The following COL16A1 variants were observed in gnomAD, a reference collection of about 807,000 sequenced individuals.
COL16A1 encodes the protein collagen type XVI alpha 1 chain, also known as collagen alpha-1(XVI) chain.
A neutral mutation model predicts 266.3 loss-of-function variants in COL16A1; 189 were observed. That is an observed-to-expected ratio of 0.71 (90% CI 0.63 to 0.80). COL16A1 has a LOEUF of 0.80. Among genes scored for constraint, COL16A1 ranks in the 30% least tolerant of loss-of-function variants. The pLI is 0.00. For synonymous variants in COL16A1, 740 were observed against 782.3 expected (o/e 0.95, Z 0.90); for missense variants, 1,928 against 2,122.4 (o/e 0.91, Z 1.80).
At chr1:31,679,367 G>A (rs896535086) in intron 42 of COL16A1, 1 of 1,488,160 alleles carries the variant, frequency 6.7e-7, no homozygotes, top group Non-Finnish European at 9.0e-7. Context: ...CCAGGGTAAG[G>A]GATTTTTATC....
In COL16A1 at chr1:31,698,410, C is replaced by T. The variant is rs1275308242; in HGVS notation, c.390+73G>A. ...GCAGGGAGACCCCAGAAGTCACAAG[C>T]CGGGATGAAAGGTGGGCTGGACTGG... On this transcript the variant is annotated intron_variant, in intron 5 of 70. Transcript: ENST00000373672. The surrounding 1 kb of genome is among the most constrained non-coding windows in gnomAD (Gnocchi z 4.1). 6.3e-7 allele frequency: 1 copy of T among 1,594,816 alleles called. No homozygotes were observed. The highest frequency in any genetic ancestry group is 1.7e-5 in the Admixed American group (1 of 59,054).
At chr1:31,675,732 T>C (rs1643128656) in intron 42 of COL16A1, among the ~76,000 whole-genome samples, 1 of 152,114 alleles carries the variant, frequency 6.6e-6, no homozygotes, top group African/African-American at 2.4e-5. Flanking sequence ...GGCATAATTA[T>C]AGCTCACTGT....
chr1:31,656,886 C>A lies in COL16A1; in HGVS notation c.4056+147G>T. ...CATCCTTGGCCTCAAGTCTCTAATTCCTCTCCCCAGGACAACAGGGTTAAC... is the reference window on the plus strand; with the variant it reads ...CATCCTTGGCCTCAAGTCTCTAATTACTCTCCCCAGGACAACAGGGTTAAC... On this transcript the variant is annotated intron_variant, in intron 65 of 70. Coordinates refer to ENST00000373672, the MANE Select transcript of COL16A1 (RefSeq NM_001856.4). This position sits in a 1 kb window ranked among gnomAD's most constrained non-coding sequence, Gnocchi z 4.2. 1 of 1,106,962 alleles carries A rather than the reference C, an allele frequency of 9.0e-7. No individual in the cohort carries two copies. Among genetic ancestry groups the A allele is most frequent in the South Asian group, 1.6e-5 (1 of 64,508 alleles). The allele number at this position is 1,106,962 out of a possible 1,614,324, so 68.6% of individuals were successfully genotyped here.
In COL16A1 at chr1:31,691,579, A is replaced by G. The variant is rs750750565; in HGVS notation, c.1302+19T>C. On this transcript the variant is annotated intron_variant, in intron 18 of 70. Transcript: ENST00000373672. Reference sequence around the variant, plus strand: ...AGCCCTGCCACCCCATCTCCACCCCACAAACATCCACAACTCACCTTCTGC... The same window carrying G: ...AGCCCTGCCACCCCATCTCCACCCCGCAAACATCCACAACTCACCTTCTGC... 2.2e-5 allele frequency: 35 copies of G among 1,613,682 alleles called. 1 individual carries two copies. In the South Asian group the frequency reaches 3.7e-4, roughly 17 times the overall value.
At position 31,662,206 on chromosome 1, in the gene COL16A1, G is replaced by A. The variant is rs1570373326; in HGVS notation, c.3681+128C>T. On this transcript the variant is annotated intron_variant, in intron 58 of 70. Transcript: ENST00000373672. ...CTGGGGTAGAGGGAGACAGACCGAG[G>A]GAGGGCATGGGTGCCCCCTGACAAA... 5 of 1,509,792 alleles carry A rather than the reference G, an allele frequency of 3.3e-6. No homozygotes were observed. In the East Asian group the frequency reaches 9.8e-5, roughly 30 times the overall value. The allele number at this position is 1,509,792 out of a possible 1,614,324, so 93.5% of individuals were successfully genotyped here.
chr1:31,671,149 G>T (rs910561313), intron 48 of COL16A1, among the ~76,000 whole-genome samples: 1 of 152,218 alleles, frequency 6.6e-6, no homozygotes, highest in African/African-American at 2.4e-5. Context: ...GGTTTTTGTA[G>T]ATTTACCCTA....
chr1:31,679,197 T>C (rs1643420435), intron 42 of COL16A1: 1 of 515,810 alleles, frequency 1.9e-6, no homozygotes, highest in Non-Finnish European at 3.4e-6. Context: ...TCTGTCTCTC[T>C]TACTAGAATA....
chr1:31,696,754 G>A (rs940876798), intron 8 of COL16A1, among the ~76,000 whole-genome samples: 11 of 152,196 alleles, frequency 7.2e-5, no homozygotes, highest in African/African-American at 1.9e-4. Context: ...ATAGGTAGGT[G>A]GGCACAGGGC....
chr1:31,685,577 C>G lies in COL16A1; in HGVS notation c.2016+62G>C. The G allele has an allele frequency of 6.4e-7, 1 of 1,560,592 alleles. No homozygotes were observed. Among genetic ancestry groups the G allele is most frequent in the Non-Finnish European group, 8.7e-7 (1 of 1,145,712 alleles). On this transcript the variant is annotated intron_variant, in intron 29 of 70. Coordinates refer to ENST00000373672, the MANE Select transcript of COL16A1 (RefSeq NM_001856.4). The surrounding 1 kb of genome is among the most constrained non-coding windows in gnomAD (Gnocchi z 4.0). ...GTCAAGAGACCCAGGCAGGACCCCTCCCCTCTCCTTAGCCCCGCCTGCATC... is the reference window on the plus strand; with the variant it reads ...GTCAAGAGACCCAGGCAGGACCCCTGCCCTCTCCTTAGCCCCGCCTGCATC...
In COL16A1 at chr1:31,656,569, G is replaced by C. The variant is rs1641172460; in HGVS notation, c.4057-125C>G. On this transcript the variant is annotated intron_variant, in intron 65 of 70. Coordinates refer to ENST00000373672, the MANE Select transcript of COL16A1 (RefSeq NM_001856.4). The surrounding 1 kb of genome is among the most constrained non-coding windows in gnomAD (Gnocchi z 4.2). ...CCCCAGGTGTGTCCAGCCCAGCTCT[G>C]TGTGAGAAAGGAGCGCAGCCTCCCT... 21 of 1,420,718 alleles carry C rather than the reference G, an allele frequency of 1.5e-5. No individual in the cohort carries two copies. The South Asian group carries it at 3.0e-4, about 20-fold the overall frequency. The allele number at this position is 1,420,718 out of a possible 1,614,324, so 88.0% of individuals were successfully genotyped here.
In COL16A1 at chr1:31,691,217, C is replaced by T. The variant is rs755071059; in HGVS notation, c.1408G>A (p.Gly470Ser). 16 of 1,614,040 alleles carry T rather than the reference C, an allele frequency of 9.9e-6. No homozygotes were observed. In the South Asian group the frequency reaches 1.8e-4, roughly 18 times the overall value. ...IGLPGTPGDPGGPPGPKGDKG... is the reference protein window; with the variant it reads ...IGLPGTPGDPSGPPGPKGDKG... ...TCTCCCTTGGGGCCTGGTGGGCCAC[C>T]TGGATCCCCCTGAGGGCAGAAACAG... is the stretch of plus-strand genomic sequence containing the variant. The change falls in exon 20 of 71, where the codon GGT (glycine) becomes AGT (serine). Residue 470 changes from glycine (G) to serine (S), a missense_variant. Gly to Ser is a moderately conservative substitution (Grantham distance 56). Transcript: ENST00000373672.
intron 36 of COL16A1, 76 bp downstream of exon 36, chr1:31,683,118 C>T: frequency 5.6e-6 from 9 of 1,609,726 alleles, no homozygotes; most frequent in Non-Finnish European, 7.6e-6. Flanking sequence ...ATCACTTGGC[C>T]CCCATGTCCC....
intron 22 of COL16A1, chr1:31,690,058 A>G (rs1485530589): frequency 3.2e-6 from 2 of 617,948 alleles, no homozygotes; most frequent in Non-Finnish European, 5.7e-6. Context: ...GCAAAACTAC[A>G]TCCTCGCCGT....
rs1366161103 is a variant in COL16A1, at chr1:31,664,401, G to A, written c.3555+771C>T. 6.6e-6 allele frequency among the ~76,000 whole-genome samples: 1 copy of A among 152,054 alleles called. No individual in the cohort carries two copies. Among genetic ancestry groups the A allele is most frequent in the East Asian group, 1.9e-4 (1 of 5,182 alleles). ...AGACGTTCATGCGTGTGCTCTCAGG[G>A]GAAAGAGGCTCTCCACAAGGCTCAG... On this transcript the variant is annotated intron_variant, in intron 56 of 70. Transcript: ENST00000373672. This position sits in a 1 kb window ranked among gnomAD's most constrained non-coding sequence, Gnocchi z 5.5.
At chr1:31,696,323 T>TC (rs796574625) in intron 8 of COL16A1, among the ~76,000 whole-genome samples, 182 bp from the exon 9 acceptor site, 2,716 of 136,566 alleles carry the variant, frequency 0.02, 54 homozygotes, top group African/African-American at 0.067. Context: ...TCCCCCTCCT[T>TC]CCCCCCCCAC....
chr1:31,699,062 T>G (rs189034634), intron 4 of COL16A1, among the ~76,000 whole-genome samples: 38 of 152,086 alleles, frequency 2.5e-4, no homozygotes, highest in Admixed American at 2.0e-3. Context: ...GCCACTGCAC[T>G]CCAGCCTGGG....
Position 31,688,523 on chromosome 1 carries a change from A to G in COL16A1, c.1768-21T>C. On this transcript the variant is annotated intron_variant, in intron 25 of 70. Transcript: ENST00000373672. The surrounding 1 kb of genome is among the most constrained non-coding windows in gnomAD (Gnocchi z 4.9). Reference sequence around the variant, plus strand: ...CTACCCTGAAAAACAACCAAGACAGAGTCTCAGCATCTCCCCACTCCCACC... The same window carrying G: ...CTACCCTGAAAAACAACCAAGACAGGGTCTCAGCATCTCCCCACTCCCACC... The G allele has an allele frequency of 6.2e-7, 1 of 1,614,040 alleles. No individual in the cohort carries two copies. Among genetic ancestry groups the G allele is most frequent in the Non-Finnish European group, 8.5e-7 (1 of 1,180,006 alleles).
Position 31,652,665 on chromosome 1 carries a change from C to G in COL16A1, c.4801G>C (p.Gly1601Arg), listed in dbSNP as rs1640726484. The G allele has an allele frequency of 5.1e-6, 8 of 1,582,566 alleles. No homozygotes were observed. The highest frequency in any genetic ancestry group is 1.4e-5 in the African/African-American group (1 of 73,262). The change falls in exon 71 of 71, where the codon GGG (glycine) becomes CGG (arginine). Residue 1601 changes from glycine (G) to arginine (R), a missense_variant. Gly to Arg is a moderately radical substitution (Grantham distance 125, BLOSUM62 -2). Around this residue, in one of 2 missense-constraint regions of COL16A1, gnomAD observed 376 missense variants for 485.2 expected, o/e 0.77. Coordinates refer to ENST00000373672, the MANE Select transcript of COL16A1 (RefSeq NM_001856.4). This position sits in a 1 kb window ranked among gnomAD's most constrained non-coding sequence, Gnocchi z 4.8. Reference sequence around the variant, plus strand: ...GGTGGGGAATTTCAGCCAAAAGGCCCCTTCATGGTTTTCATGGGTGGGTAC... The same window carrying G: ...GGTGGGGAATTTCAGCCAAAAGGCCGCTTCATGGTTTTCATGGGTGGGTAC... ...QQYPPMKTMK[G>R]PFG is the part of the protein sequence containing the mutation.
rs1259515858 is a variant in COL16A1 at position 31,697,256 on chromosome 1, C to T, written c.702G>A (p.Val234=). 9.9e-6 allele frequency: 16 copies of T among 1,612,878 alleles called. No homozygotes were observed. The highest frequency in any genetic ancestry group is 1.4e-5 in the Non-Finnish European group (16 of 1,179,466). ...AAATCTCACAGCAGCCCTCCTCCAGCACGAGCTCCGGGTCACAGTAGATGT... is the reference window on the plus strand; with the variant it reads ...AAATCTCACAGCAGCCCTCCTCCAGTACGAGCTCCGGGTCACAGTAGATGT... ...QVHIYCDPEL[V]LEEGCCEILP... Residue 234 remains valine (V), a synonymous_variant, in exon 7 of 71, where the codon GTG becomes GTA. Transcript: ENST00000373672. The surrounding 1 kb of genome is among the most constrained non-coding windows in gnomAD (Gnocchi z 4.2).
Sources: allele counts gnomAD v4.1 joint callset (sites outside exome capture counted in the v4.1 genomes callset), GRCh38; gene constraint gnomAD v4.1.1; regional missense constraint gnomAD v4.1.1; non-coding constraint Gnocchi (gnomAD v3.1); transcripts MANE v1.5; gene names NCBI Gene and HGNC (gene_info 2026-07-23, HGNC 2026-07-21).